The following LANCL3 variants were observed in gnomAD, a reference collection of about 807,000 sequenced individuals.
LANCL3 encodes lanC-like protein 3.
LANCL3 carries 19 observed loss-of-function variants against 26.5 expected under a neutral mutation model. The observed-to-expected ratio is 0.72, with a 90% CI of 0.50 to 1.05. LANCL3 has a LOEUF of 1.05. LANCL3 is among the 50% of genes least tolerant of loss of function. LANCL3 has a pLI of 0.00. For missense variants in LANCL3, 318 were observed against 362.7 expected, an observed-to-expected ratio of 0.88 and a Z score of 1.00; for synonymous variants, 160 against 166.6, an observed-to-expected ratio of 0.96 and a Z score of 0.30.
In LANCL3 at chrX:37,572,155, G is replaced by C; in HGVS notation, c.285G>C (p.Ser95=). The C allele has an allele frequency of 8.4e-7, 1 of 1,192,852 alleles. No homozygotes were observed. The highest frequency in any genetic ancestry group is 1.1e-6 in the Non-Finnish European group (1 of 891,554). ...FATARERYLR[S]AKRLIDACAR... ...CGGCCCGGGAACGCTACCTGCGCTCGGCTAAGCGCCTCATCGACGCGTGCG... is the reference window on the plus strand; with the variant it reads ...CGGCCCGGGAACGCTACCTGCGCTCCGCTAAGCGCCTCATCGACGCGTGCG... Residue 95 remains serine (S), a synonymous_variant, in exon 1 of 5, where the codon TCG becomes TCC. Transcript: ENST00000378619.
intron 1 of LANCL3, among the ~76,000 whole-genome samples, chrX:37,581,045 T>G (rs1923878542): frequency 1.8e-5 from 2 of 112,307 alleles, no homozygotes; most frequent in Admixed American, 1.9e-4. Flanking sequence ...TCAGTGAGTC[T>G]GGAGTGTGGC....
intron 1 of LANCL3, among the ~76,000 whole-genome samples, chrX:37,610,880 G>T (rs914641825): frequency 8.9e-6 from 1 of 112,189 alleles, no homozygotes; most frequent in African/African-American, 3.2e-5. Context: ...TTCCCCCAAA[G>T]TACATCCCGA....
intron 1 of LANCL3, among the ~76,000 whole-genome samples, chrX:37,631,118 A>T (rs1556424193): frequency 1.8e-5 from 2 of 111,957 alleles, no homozygotes; most frequent in Non-Finnish European, 3.8e-5. Context: ...GATTATTGCC[A>T]GAATTTCAGA....
chrX:37,642,672 G>A (rs868930684), intron 1 of LANCL3, among the ~76,000 whole-genome samples: 2 of 112,063 alleles, frequency 1.8e-5, no homozygotes, highest in South Asian at 7.4e-4. Context: ...GATCAAGTGA[G>A]GCCACATAGC....
chrX:37,625,681 T>C (rs1925294034), intron 1 of LANCL3, among the ~76,000 whole-genome samples: 1 of 111,211 alleles, frequency 9.0e-6, no homozygotes, highest in African/African-American at 3.3e-5. Flanking sequence ...TAAAGAGATA[T>C]CAGGAGAGCT....
intron 1 of LANCL3, among the ~76,000 whole-genome samples, chrX:37,606,034 T>C (rs1924706005): frequency 8.9e-6 from 1 of 111,823 alleles, no homozygotes; most frequent in Admixed American, 9.5e-5. Context: ...AGTTATGGTT[T>C]ATTACAGTGG....
chrX:37,629,107 C>T (rs1925402293), intron 1 of LANCL3, among the ~76,000 whole-genome samples: 1 of 107,221 alleles, frequency 9.3e-6, no homozygotes, highest in Admixed American at 1.0e-4. Flanking sequence ...TCTCCAGCAC[C>T]TGTTGTTTCC....
chrX:37,643,323 G>A (rs1925913715), intron 1 of LANCL3, among the ~76,000 whole-genome samples: 1 of 112,142 alleles, frequency 8.9e-6, no homozygotes, highest in Non-Finnish European at 1.9e-5. Context: ...TTAAACTGCT[G>A]AAACATACTA....
intron 1 of LANCL3, among the ~76,000 whole-genome samples, chrX:37,625,661 C>A (rs949817609): frequency 2.7e-5 from 3 of 111,107 alleles, no homozygotes; most frequent in Non-Finnish European, 3.8e-5. Context: ...CCATGTTACA[C>A]GGTTCTGGCT....
At chrX:37,613,246 T>C (rs1302072704) in intron 1 of LANCL3, among the ~76,000 whole-genome samples, 2 of 110,726 alleles carry the variant, frequency 1.8e-5, no homozygotes, top group African/African-American at 6.6e-5. Flanking sequence ...GTCTACTTTC[T>C]TCATTGGAAT....
intron 1 of LANCL3, among the ~76,000 whole-genome samples, chrX:37,630,193 T>C (rs1249466716): frequency 2.7e-5 from 3 of 110,628 alleles, no homozygotes; most frequent in Non-Finnish European, 5.7e-5. Context: ...TTCCTAGGTA[T>C]TTTATTCTCT....
At chrX:37,661,013 G>GTGT (rs1926408667) in intron 3 of LANCL3, among the ~76,000 whole-genome samples, 1 of 107,202 alleles carries the variant, frequency 9.3e-6, no homozygotes, top group African/African-American at 3.6e-5. Context: ...TGGGCGGGGG[G>GTGT]GGAACAAGTT....
In LANCL3 at chrX:37,624,030, A is replaced by G. The variant is rs1418715913; in HGVS notation, c.574-31658A>G. Among the ~76,000 whole-genome samples, 9 of 112,248 alleles carry G rather than the reference A, an allele frequency of 8.0e-5. No homozygotes were observed. In the East Asian group the frequency reaches 2.5e-3, roughly 31 times the overall value. ...TTTAACTAGTACCCTAGTAACAGAC[A>G]TTTTAGTTGTTTCCAGTCTTGCCAT... On this transcript the variant is annotated intron_variant, in intron 1 of 4. Transcript: ENST00000378619.
At chrX:37,643,554 T>C (rs1281797691) in intron 1 of LANCL3, among the ~76,000 whole-genome samples, 1 of 112,104 alleles carries the variant, frequency 8.9e-6, no homozygotes, top group African/African-American at 3.2e-5. Context: ...CAGATAAACT[T>C]GGGAGACATT....
At chrX:37,633,323 C>T (rs1925593521) in intron 1 of LANCL3, among the ~76,000 whole-genome samples, 3 of 111,251 alleles carry the variant, frequency 2.7e-5, no homozygotes, top group Admixed American at 1.9e-4. Flanking sequence ...TCTAGTTATA[C>T]ATTCGTCTAA....
chrX:37,591,969 T>G (rs1924295364), intron 1 of LANCL3, among the ~76,000 whole-genome samples: 1 of 110,825 alleles, frequency 9.0e-6, no homozygotes. Flanking sequence ...GCCCTGAGAT[T>G]CACTTTTTTG....
chrX:37,666,347 G>C (rs967756345), intron 3 of LANCL3, among the ~76,000 whole-genome samples: 34 of 112,040 alleles, frequency 3.0e-4, no homozygotes, highest in African/African-American at 1.0e-3. Context: ...GACAGAGTGT[G>C]AGTTTCTAGG....
chrX:37,639,235 ACC>A (rs1378314315), intron 1 of LANCL3, among the ~76,000 whole-genome samples: 2 of 101,449 alleles, frequency 2.0e-5, no homozygotes, highest in African/African-American at 3.6e-5. Flanking sequence ...GTATGTGTGT[ACC>A]TACATACATA....
intron 1 of LANCL3, among the ~76,000 whole-genome samples, chrX:37,647,511 A>G (rs1556427426): frequency 8.9e-6 from 1 of 112,355 alleles, no homozygotes; most frequent in African/African-American, 3.2e-5. Context: ...AGCCTATCCT[A>G]CCAACAGGAT....
Sources: gnomAD v4.1 joint callset for allele counts (sites outside exome capture counted in the v4.1 genomes callset) on GRCh38, gnomAD v4.1.1 for gene constraint, MANE v1.5 for transcripts, NCBI Gene and HGNC (gene_info 2026-07-23, HGNC 2026-07-21) for gene names.